MEGF11: variants seen among roughly 807,000 people sequenced by gnomAD.
The protein encoded by MEGF11 is multiple EGF like domains 11.
MEGF11 carries 126 observed loss-of-function variants against 146.6 expected under a neutral mutation model. The ratio of observed to expected loss-of-function variants is 0.86; its 90% CI spans 0.74 to 1.00. MEGF11 has a LOEUF of 1.00. MEGF11 is among the 50% of genes least tolerant of loss of function. The probability of loss-of-function intolerance (pLI) is 0.00; values close to 1 mark genes in which losing one functional copy is unlikely to be tolerated. For missense variants in MEGF11, 1,509 were observed against 1,521.2 expected (o/e 0.99, Z 0.13); for synonymous variants, 532 against 583.4 (o/e 0.91, Z 1.27).
In MEGF11 at chr15:65,929,879, C is replaced by T; in HGVS notation, c.1413G>A (p.Trp471Ter). ...VDGSCTCKEG[W>*]QGLDCTLPCP... ...ATGGCAGGGTGCAGTCCAGGCCCTG[C>T]CACCCTGAGGGGAGGGAAAGGGACT... Residue 471 changes from tryptophan (W) to a stop codon, truncating the protein, a stop_gained, in exon 12 of 26, where the codon TGG becomes TGA. Coordinates refer to ENST00000395614, the MANE Select transcript of MEGF11 (RefSeq NM_001385028.1). LOFTEE classifies it high-confidence loss of function. 1 of 1,596,326 alleles carries T rather than the reference C, an allele frequency of 6.3e-7. No homozygotes were observed. Among genetic ancestry groups the T allele is most frequent in the Non-Finnish European group, 8.5e-7 (1 of 1,171,474 alleles).
intron 1 of MEGF11, among the ~76,000 whole-genome samples, chr15:66,144,197 A>C (rs2089279256): frequency 6.6e-6 from 1 of 152,126 alleles, no homozygotes; most frequent in African/African-American, 2.4e-5. Flanking sequence ...CTGTGACCTC[A>C]TTCCCAGCCA....
chr15:66,039,588 G>A (rs145050803), intron 5 of MEGF11, among the ~76,000 whole-genome samples: 697 of 152,284 alleles, frequency 4.6e-3, no homozygotes, highest in Non-Finnish European at 7.4e-3. Context: ...CTCAGGTTAC[G>A]TTAAGTGGCT....
intron 7 of MEGF11, among the ~76,000 whole-genome samples, chr15:65,974,245 C>T (rs894988316): frequency 4.6e-5 from 7 of 151,682 alleles, no homozygotes; most frequent in African/African-American, 1.2e-4. Flanking sequence ...CTCCTCCACA[C>T]ACAAGTCAGA....
rs1020872782 is a variant in MEGF11, at chr15:66,057,235, A to T, written c.394+37167T>A. Among the ~76,000 whole-genome samples the T allele has an allele frequency of 9.9e-5, 15 of 152,154 alleles. 1 individual carries two copies. Among genetic ancestry groups the T allele is most frequent in the African/African-American group, 3.6e-4 (15 of 41,516 alleles). On this transcript the variant is annotated intron_variant, in intron 5 of 25. Coordinates refer to ENST00000395614, the MANE Select transcript of MEGF11 (RefSeq NM_001385028.1). ...TGGAGGCTTTCGGTGAAGCAAAACG[A>T]GGGTAGGGCGTCGGGGAGGTTGGCT...
chr15:65,911,004 G>A (rs1446057081), intron 21 of MEGF11, among the ~76,000 whole-genome samples: 1 of 152,192 alleles, frequency 6.6e-6, no homozygotes, highest in Non-Finnish European at 1.5e-5. Flanking sequence ...CACTCTGCCT[G>A]GTATGGGTCC....
chr15:66,049,302 A>G (rs1200370178), intron 5 of MEGF11, among the ~76,000 whole-genome samples: 4 of 152,150 alleles, frequency 2.6e-5, no homozygotes, highest in Non-Finnish European at 5.9e-5. Context: ...TTTAAATTGC[A>G]TCGTACCTGG....
At chr15:66,070,779 G>A (rs981287540) in intron 5 of MEGF11, among the ~76,000 whole-genome samples, 3 of 152,188 alleles carry the variant, frequency 2.0e-5, no homozygotes, top group Non-Finnish European at 2.9e-5. Context: ...CGAGGAAGTG[G>A]GGGGATTAAG....
chr15:66,225,033 G>A (rs915409428), intron 1 of MEGF11, among the ~76,000 whole-genome samples: 4 of 152,332 alleles, frequency 2.6e-5, no homozygotes, highest in Middle Eastern at 3.4e-3. Flanking sequence ...AGAACACGGC[G>A]TGTGTGGTCT....
intron 1 of MEGF11, among the ~76,000 whole-genome samples, chr15:66,201,895 C>T (rs1008626563): frequency 1.1e-4 from 14 of 124,732 alleles, no homozygotes; most frequent in Non-Finnish European, 1.6e-5. Flanking sequence ...TGTAGTTAGC[C>T]AAGATTGTGC....
chr15:65,924,750 C>G lies in MEGF11; in HGVS notation c.1676-1781G>C, dbSNP rs894564559. ...TTCAAGCAATTCTGCTTCAGCCTTC[C>G]GAGTAGCTGGGATTACAGGTATAAG... On this transcript the variant is annotated intron_variant, in intron 13 of 25. Coordinates refer to ENST00000395614, the MANE Select transcript of MEGF11 (RefSeq NM_001385028.1). 5.9e-5 allele frequency among the ~76,000 whole-genome samples: 9 copies of G among 151,446 alleles called. No homozygotes were observed. The South Asian group carries it at 1.0e-3, about 18-fold the overall frequency.
intron 8 of MEGF11, among the ~76,000 whole-genome samples, chr15:65,968,759 A>G (rs767805178): frequency 6.6e-6 from 1 of 152,194 alleles, no homozygotes. Flanking sequence ...CAATATTGCC[A>G]TTAACAACCA....
intron 1 of MEGF11, among the ~76,000 whole-genome samples, chr15:66,195,185 C>G (rs1478005594): frequency 2.6e-5 from 4 of 152,148 alleles, no homozygotes; most frequent in Non-Finnish European, 5.9e-5. Flanking sequence ...TGATGCCAGT[C>G]ATATTGGATT....
At chr15:65,964,364 C>A (rs1357481615) in intron 9 of MEGF11, among the ~76,000 whole-genome samples, 1 of 152,220 alleles carries the variant, frequency 6.6e-6, no homozygotes, top group African/African-American at 2.4e-5. Context: ...GCTCCTCTAG[C>A]CTTGCCAGGG....
At chr15:66,036,603 G>A (rs891230183) in intron 5 of MEGF11, among the ~76,000 whole-genome samples, 1 of 152,094 alleles carries the variant, frequency 6.6e-6, no homozygotes, top group Admixed American at 6.6e-5. Context: ...TTTTGACACC[G>A]AGTCACACCT....
At chr15:66,140,170 GGCC>G (rs948051755) in intron 1 of MEGF11, among the ~76,000 whole-genome samples, 6 of 152,086 alleles carry the variant, frequency 3.9e-5, no homozygotes, top group African/African-American at 1.4e-4. Flanking sequence ...AACAAGGACA[GGCC>G]TTTAGGAACA....
chr15:66,138,337 G>A (rs958017015), intron 1 of MEGF11, among the ~76,000 whole-genome samples: 1 of 152,240 alleles, frequency 6.6e-6, no homozygotes, highest in Non-Finnish European at 1.5e-5. Context: ...TGTGGCATGT[G>A]TCCACGCTGT....
intron 5 of MEGF11, among the ~76,000 whole-genome samples, chr15:66,022,233 G>A (rs898085242): frequency 3.9e-5 from 6 of 152,226 alleles, no homozygotes; most frequent in Non-Finnish European, 5.9e-5. Flanking sequence ...GTCTGCTGGC[G>A]ATTCCATCAG....
chr15:65,926,211 A>C (rs1223514420), intron 13 of MEGF11, among the ~76,000 whole-genome samples: 1 of 152,258 alleles, frequency 6.6e-6, no homozygotes, highest in Non-Finnish European at 1.5e-5. Flanking sequence ...TTGATTGAAT[A>C]AATGGTTCCC....
intron 5 of MEGF11, among the ~76,000 whole-genome samples, chr15:66,042,717 A>G (rs1253235906): frequency 6.6e-6 from 1 of 152,120 alleles, no homozygotes; most frequent in East Asian, 1.9e-4. Context: ...GTTTGCTGGC[A>G]TCCTTGGCCT....
Sources: allele counts gnomAD v4.1 joint callset (sites outside exome capture counted in the v4.1 genomes callset), GRCh38; gene constraint gnomAD v4.1.1; transcripts MANE v1.5; gene names NCBI Gene and HGNC (gene_info 2026-07-23, HGNC 2026-07-21).